The following JPH2 variants were observed in gnomAD, a reference collection of about 807,000 sequenced individuals.
The protein encoded by JPH2 is junctophilin-2.
Under a neutral mutation model 55.9 loss-of-function variants are expected in JPH2, and 38 were observed. The observed-to-expected ratio is 0.68, with a 90% confidence interval of 0.52 to 0.89. The LOEUF (loss-of-function observed/expected upper bound fraction) is 0.89, where lower values mean the gene tolerates loss of function less well. JPH2 is among the 40% of genes least tolerant of loss of function. The pLI, the probability that JPH2 is intolerant of heterozygous loss-of-function variation, is 0.00. For missense variants in JPH2, 964 were observed against 1,037.6 expected, an observed-to-expected ratio of 0.93 and a Z score of 0.97; for synonymous variants, 480 against 472.4, an observed-to-expected ratio of 1.02 and a Z score of -0.21.
intron 1 of JPH2, among the ~76,000 whole-genome samples, chr20:44,162,429 T>C (rs1450783952): frequency 6.6e-6 from 1 of 152,126 alleles, no homozygotes; most frequent in Non-Finnish European, 1.5e-5. Flanking sequence ...TGGGTGTATC[T>C]GTGAGGGTGT....
At position 44,108,271 on chromosome 20, in the gene JPH2, T is replaced by C. The variant is rs764977562; in HGVS notation, c.*5247A>G. Among the ~76,000 whole-genome samples, 18 of 152,236 alleles carry C rather than the reference T, an allele frequency of 1.2e-4. No homozygotes were observed. Among genetic ancestry groups the C allele is most frequent in the Non-Finnish European group, 2.2e-4 (15 of 68,034 alleles). ...TGGAACCCTCCCAGATTCCTTCCTA[T>C]GTCCCTTTCCCTTGGCTGGTTCTGA... On this transcript the variant is annotated 3_prime_UTR_variant, in exon 6 of 6. Transcript: ENST00000372980.
chr20:44,134,899 TA>T (rs1307595425), intron 2 of JPH2, among the ~76,000 whole-genome samples: 2 of 37,258 alleles, frequency 5.4e-5, no homozygotes, highest in Non-Finnish European at 1.0e-4. Flanking sequence ...AATATATATT[TA>T]TATATATATA....
Position 44,160,233 on chromosome 20 carries a change from G to A in JPH2, c.554C>T (p.Ser185Phe), listed in dbSNP as rs1205036851. The change falls in exon 2 of 6, where the codon TCC becomes TTC. Residue 185 changes from serine (S) to phenylalanine (F), a missense_variant. By Grantham distance (155) the Ser-to-Phe change is radical. Transcript: ENST00000372980. The surrounding 1 kb of genome is among the most constrained non-coding windows in gnomAD (Gnocchi z 4.9). The stretch of plus-strand genomic sequence containing the variant: ...GGGCGAGGGCAGCGCGGGGCCGTCG[G>A]AGGCCGGCGAGGCGGGAGAGTCCGG... Reference protein sequence around the residue: ...VAPDSPASPASDGPALPSPAI... With the variant: ...VAPDSPASPAFDGPALPSPAI... 6.7e-7 allele frequency: 1 copy of A among 1,496,916 alleles called. No individual in the cohort carries two copies. Among genetic ancestry groups the A allele is most frequent in the East Asian group, 2.7e-5 (1 of 37,696 alleles). The allele number at this position is 1,496,916 out of a possible 1,614,324, so 92.7% of individuals were successfully genotyped here.
rs1033330755 is a variant in JPH2, at chr20:44,111,581, C to T, written c.*1937G>A. 2.6e-5 allele frequency: 4 copies of T among 152,270 alleles called. No individual in the cohort carries two copies. Among genetic ancestry groups the T allele is most frequent in the Admixed American group, 6.5e-5 (1 of 15,278 alleles). 9.4% of individuals were successfully genotyped at this position (152,270 alleles called of 1,614,324 possible). A position where few individuals can be genotyped will look rare whatever the true frequency, so the allele number is the denominator to read the frequency against. On this transcript the variant is annotated 3_prime_UTR_variant, in exon 6 of 6. Coordinates refer to ENST00000372980, the MANE Select transcript of JPH2 (RefSeq NM_020433.5). The stretch of plus-strand genomic sequence containing the variant: ...AGCCCTTCAGCTGCCCCTCAAGGAT[C>T]GTGAGAACAAGGACACAGATGGGAA...
At chr20:44,127,033 A>G (rs1275285283) in intron 2 of JPH2, among the ~76,000 whole-genome samples, 2 of 152,284 alleles carry the variant, frequency 1.3e-5, no homozygotes, top group Non-Finnish European at 2.9e-5. Context: ...TATTATAACA[A>G]TGCTGACCAG....
intron 2 of JPH2, among the ~76,000 whole-genome samples, chr20:44,138,572 G>A (rs968315352): frequency 1.3e-5 from 2 of 151,676 alleles, no homozygotes; most frequent in African/African-American, 4.8e-5. Context: ...TTGTAGAGAT[G>A]GGTTCTCACC....
chr20:44,140,584 C>A (rs367668061), intron 2 of JPH2, among the ~76,000 whole-genome samples: 109 of 152,164 alleles, frequency 7.2e-4, no homozygotes, highest in African/African-American at 2.6e-3. Flanking sequence ...ACGGCTTGGC[C>A]AAAGGTAGCT....
At chr20:44,138,768 G>A (rs2072435605) in intron 2 of JPH2, among the ~76,000 whole-genome samples, 1 of 151,034 alleles carries the variant, frequency 6.6e-6, no homozygotes, top group Non-Finnish European at 1.5e-5. Flanking sequence ...TCTTTTTTTT[G>A]GCTAACTTTT....
intron 2 of JPH2, among the ~76,000 whole-genome samples, chr20:44,127,173 T>C (rs755691084): frequency 6.6e-6 from 1 of 152,238 alleles, no homozygotes; most frequent in Non-Finnish European, 1.5e-5. Flanking sequence ...TATTCCATTG[T>C]GTGGATAAAC....
Position 44,114,802 on chromosome 20 carries a change from C to A in JPH2, c.2085G>T (p.Leu695=), listed in dbSNP as rs766895066. The part of the protein sequence containing the change: ...IGLAILFVHL[L]T ...TGCACCTGGTAAGCGACGGTCAGGT[C>A]AGGAGGTGAACAAAGAGGATGGCCA... Residue 695 remains leucine (L), a synonymous_variant, in exon 5 of 6, where the codon CTG becomes CTT. Transcript: ENST00000372980. The A allele has an allele frequency of 6.9e-6, 11 of 1,604,390 alleles. No homozygotes were observed. The East Asian group carries it at 2.5e-4, about 36-fold the overall frequency.
chr20:44,148,891 G>A (rs973440998), intron 2 of JPH2, among the ~76,000 whole-genome samples: 9 of 151,926 alleles, frequency 5.9e-5, no homozygotes, highest in Admixed American at 1.3e-4. Context: ...GTGAAACCCC[G>A]TCTCTACTAA....
Position 44,116,177 on chromosome 20 carries a change from C to A in JPH2, c.1498G>T (p.Gly500Trp). The A allele has an allele frequency of 7.2e-7, 1 of 1,391,566 alleles. No homozygotes were observed. Among genetic ancestry groups the A allele is most frequent in the Non-Finnish European group, 9.2e-7 (1 of 1,084,404 alleles). 86.2% of individuals were successfully genotyped at this position (1,391,566 alleles called of 1,614,324 possible). A position where few individuals can be genotyped will look rare whatever the true frequency, so the allele number is the denominator to read the frequency against. The change falls in exon 4 of 6, where the codon GGG becomes TGG. Residue 500 changes from glycine (G) to tryptophan (W), a missense_variant. Coordinates refer to ENST00000372980, the MANE Select transcript of JPH2 (RefSeq NM_020433.5). Reference protein sequence around the residue: ...TPPQPKRPRPGVSKDGLLSPG... With the variant: ...TPPQPKRPRPWVSKDGLLSPG... The stretch of plus-strand genomic sequence containing the variant: ...CTCAGCAGGCCGTCCTTGGACACCC[C>A]GGGCCTGGGCCGCTTGGGCTGCGGG...
At chr20:44,139,168 A>G (rs1286675190) in intron 2 of JPH2, among the ~76,000 whole-genome samples, 1 of 152,206 alleles carries the variant, frequency 6.6e-6, no homozygotes. Flanking sequence ...GGACAAGGCA[A>G]GGAGAGCTCA....
intron 1 of JPH2, among the ~76,000 whole-genome samples, chr20:44,174,550 G>A (rs2072719868): frequency 6.6e-6 from 1 of 152,230 alleles, no homozygotes; most frequent in African/African-American, 2.4e-5. Flanking sequence ...AAGGCAGGCA[G>A]ATCACTTGAG....
intron 1 of JPH2, among the ~76,000 whole-genome samples, chr20:44,184,135 C>T (rs1030812508): frequency 3.9e-5 from 6 of 152,058 alleles, no homozygotes; most frequent in East Asian, 1.9e-4. Context: ...CCAGCCTGGG[C>T]GACAGAGTAA....
At chr20:44,124,918 G>A (rs117799309) in intron 2 of JPH2, among the ~76,000 whole-genome samples, 2,428 of 152,124 alleles carry the variant, frequency 0.016, 28 homozygotes, top group East Asian at 0.069. Flanking sequence ...GACCAGCCTG[G>A]CCAACATGCC....
intron 1 of JPH2, among the ~76,000 whole-genome samples, chr20:44,162,785 T>TACAC (rs1430891241): frequency 2.4e-3 from 118 of 49,980 alleles, no homozygotes; most frequent in African/African-American, 8.4e-3. Flanking sequence ...TATATATATA[T>TACAC]ATACACACAC....
Position 44,160,509 on chromosome 20 carries a change from G to A in JPH2, c.380-102C>T. The A allele has an allele frequency of 8.0e-7, 1 of 1,256,580 alleles. No individual in the cohort carries two copies. Among genetic ancestry groups the A allele is most frequent in the Non-Finnish European group, 1.1e-6 (1 of 887,856 alleles). The allele number at this position is 1,256,580 out of a possible 1,614,324, so 77.8% of individuals were successfully genotyped here. On this transcript the variant is annotated intron_variant, in intron 1 of 5. Coordinates refer to ENST00000372980, the MANE Select transcript of JPH2 (RefSeq NM_020433.5). The surrounding 1 kb of genome is among the most constrained non-coding windows in gnomAD (Gnocchi z 4.9). ...GGCGGGAGTGGGCAAGGCGGGGTGG[G>A]ACCGAGAGGCGCAAGGCCGTCTGAG...
intron 1 of JPH2, among the ~76,000 whole-genome samples, chr20:44,169,779 A>T (rs73613457): frequency 1.3e-5 from 2 of 152,248 alleles, no homozygotes; most frequent in East Asian, 3.9e-4. Flanking sequence ...TGGGGCCTTT[A>T]AGAGGTGATT....
Sources: gnomAD v4.1 joint callset for allele counts (sites outside exome capture counted in the v4.1 genomes callset) on GRCh38, gnomAD v4.1.1 for gene constraint, Gnocchi (gnomAD v3.1) non-coding constraint, MANE v1.5 for transcripts, NCBI Gene and HGNC (gene_info 2026-07-23, HGNC 2026-07-21) for gene names.